HELZ: variants seen among roughly 807,000 people sequenced by gnomAD.
The protein encoded by HELZ is helicase with zinc finger, also known as ATP-dependent RNA helicase with zinc finger domain.
A neutral mutation model predicts 218.2 loss-of-function variants in HELZ; 23 were observed. The ratio of observed to expected loss-of-function variants is 0.11; its 90% CI spans 0.08 to 0.15. The LOEUF (loss-of-function observed/expected upper bound fraction) is 0.15. Among genes scored for constraint, HELZ ranks in the 10% least tolerant of loss-of-function variants. HELZ has a pLI of 1.00. For missense variants in HELZ, 1,813 were observed against 2,353.7 expected, an observed-to-expected ratio of 0.77 and a Z score of 4.75; for synonymous variants, 814 against 829.4, an observed-to-expected ratio of 0.98 and a Z score of 0.32.
At chr17:67,149,756 C>T in intron 19 of HELZ, 111 bp downstream of exon 19, 1 of 580,892 alleles carries the variant, frequency 1.7e-6, no homozygotes, top group East Asian at 3.1e-5. Flanking sequence ...ATTTGAAGTA[C>T]TAAAGTTATA....
upstream of HELZ, chr17:67,245,460 T>C (rs2041458609): frequency 2.0e-6 from 2 of 985,546 alleles, no homozygotes; most frequent in Admixed American, 6.1e-5. Context: ...CGCCCGGTCC[T>C]CTCGCCTCGC....
intron 31 of HELZ, among the ~76,000 whole-genome samples, chr17:67,095,093 C>T (rs1455967698): frequency 4.6e-5 from 7 of 152,232 alleles, no homozygotes; most frequent in Non-Finnish European, 1.0e-4. Flanking sequence ...AGTCAATCTT[C>T]TTAAGCCCTT....
rs185235638 is a variant in HELZ, at chr17:67,088,639, T to C, written c.5242-1558A>G. On this transcript the variant is annotated intron_variant, in intron 31 of 32. Transcript: ENST00000358691. ...GCCTCCATTTCCACAGTCTTAGCTA[T>C]TGAATGGAGGAAGGCAAGAGGTAGT... Among the ~76,000 whole-genome samples, 5 of 152,364 alleles carry C rather than the reference T, an allele frequency of 3.3e-5. No homozygotes were observed. The East Asian group carries it at 9.6e-4, about 29-fold the overall frequency.
At chr17:67,203,238 C>A in intron 6 of HELZ, 81 bp downstream of exon 6, 1 of 1,415,418 alleles carries the variant, frequency 7.1e-7, no homozygotes, top group Non-Finnish European at 9.6e-7. Flanking sequence ...AAAAGATACA[C>A]TTTTTTTTCC....
intron 21 of HELZ, among the ~76,000 whole-genome samples, chr17:67,140,765 C>A (rs890484258): frequency 3.4e-4 from 51 of 152,016 alleles, no homozygotes; most frequent in African/African-American, 1.2e-3. Context: ...ACAAGGAGAC[C>A]CACACCCAGA....
chr17:67,081,582 C>A (rs1187444939), intron 32 of HELZ, among the ~76,000 whole-genome samples: 4 of 152,086 alleles, frequency 2.6e-5, no homozygotes, highest in African/African-American at 7.2e-5. Context: ...ATCTTATTTC[C>A]CAAACTAGAT....
chr17:67,237,240 C>T (rs1239298932), intron 3 of HELZ, among the ~76,000 whole-genome samples: 1 of 151,292 alleles, frequency 6.6e-6, no homozygotes, highest in African/African-American at 2.4e-5. Context: ...AGCCGAGATC[C>T]CACCAGTGTA....
intron 7 of HELZ, among the ~76,000 whole-genome samples, chr17:67,198,811 C>T (rs920506776): frequency 1.3e-5 from 2 of 152,124 alleles, no homozygotes; most frequent in Non-Finnish European, 2.9e-5. Context: ...TGTTTGTTAG[C>T]TTTTCCTAAA....
At position 67,137,948 on chromosome 17, in the gene HELZ, C is replaced by T. The variant is rs888553601; in HGVS notation, c.2936G>A (p.Arg979Lys). Residue 979 changes from arginine (R) to lysine (K), a missense_variant, in exon 22 of 33, where the codon AGG (arginine) becomes AAG (lysine). By Grantham distance (26) the Arg-to-Lys change is conservative (BLOSUM62 2). This residue lies in a region of HELZ where 156 missense variants were observed against 274.4 expected (regional missense o/e 0.57). Transcript: ENST00000358691. ...ACACTTACCTTGAACATTTAGCACC[C>T]TTTCTACATTAACATCAGATAATCT... ...KKRLSDVNVE[R>K]VLNVQGKQFR... is the part of the protein sequence containing the mutation. 1 of 1,611,330 alleles carries T rather than the reference C, an allele frequency of 6.2e-7. No homozygotes were observed. Among genetic ancestry groups the T allele is most frequent in the African/African-American group, 1.3e-5 (1 of 74,866 alleles).
intron 32 of HELZ, among the ~76,000 whole-genome samples, chr17:67,081,661 G>T (rs970873786): frequency 5.9e-5 from 9 of 152,052 alleles, no homozygotes; most frequent in Non-Finnish European, 8.8e-5. Context: ...TCTGCTTCTT[G>T]ATGGCCCTGT....
chr17:67,080,839 G>A (rs1470878682), intron 32 of HELZ, among the ~76,000 whole-genome samples: 1 of 152,162 alleles, frequency 6.6e-6, no homozygotes, highest in Non-Finnish European at 1.5e-5. Flanking sequence ...ATTTAAACAG[G>A]TGGGGAAAGA....
At position 67,188,443 on chromosome 17, in the gene HELZ, C is replaced by A; in HGVS notation, c.1038G>T (p.Val346=). 6.2e-7 allele frequency: 1 copy of A among 1,613,940 alleles called. No individual in the cohort carries two copies. ...KMAQNGLDHY[V]YKVGIAFNTE... ...TGTTAAATGCTATCCCGACTTTATA[C>A]ACGTAATGATCTAATCCATTTTGGG... The change falls in exon 12 of 33, where the codon GTG becomes GTT. Residue 346 remains valine, a synonymous_variant. Transcript: ENST00000358691. This position sits in a 1 kb window ranked among gnomAD's most constrained non-coding sequence, Gnocchi z 4.1.
intron 20 of HELZ, 39 bp downstream of exon 20, chr17:67,148,530 C>T: frequency 6.3e-7 from 1 of 1,578,082 alleles, no homozygotes; most frequent in South Asian, 1.2e-5. Context: ...ACTATCAGAC[C>T]AACGAAAGTA....
rs1286363141 is a variant in HELZ at position 67,199,536 on chromosome 17, C to T, written c.429+1593G>A. 2.0e-5 allele frequency among the ~76,000 whole-genome samples: 3 copies of T among 152,164 alleles called. No individual in the cohort carries two copies. In the East Asian group the frequency reaches 5.8e-4, roughly 29 times the overall value. ...ACTGTTTTGCCATTACTTTCAAAGG[C>T]AAAAACCCCAATTACTTTTGTACCA... On this transcript the variant is annotated intron_variant, in intron 7 of 32. Coordinates refer to ENST00000358691, the MANE Select transcript of HELZ (RefSeq NM_014877.4).
intron 13 of HELZ, among the ~76,000 whole-genome samples, chr17:67,172,831 C>T (rs2039351380): frequency 6.6e-6 from 1 of 152,064 alleles, no homozygotes; most frequent in African/African-American, 2.4e-5. Flanking sequence ...GTCTCAAACT[C>T]CTGGGCTCAA....
chr17:67,151,516 C>T (rs2038682045), intron 17 of HELZ, among the ~76,000 whole-genome samples: 1 of 152,106 alleles, frequency 6.6e-6, no homozygotes, highest in African/African-American at 2.4e-5. Flanking sequence ...GGCACATAAA[C>T]GTAAGATTTA....
intron 21 of HELZ, among the ~76,000 whole-genome samples, chr17:67,141,836 G>A (rs114762710): frequency 0.011 from 1,608 of 152,218 alleles, 31 homozygotes; most frequent in African/African-American, 0.036. Flanking sequence ...CTTCAAGTAG[G>A]AGTTTGAGAC....
At chr17:67,185,376 C>T (rs939413149) in intron 12 of HELZ, among the ~76,000 whole-genome samples, 1 of 152,162 alleles carries the variant, frequency 6.6e-6, no homozygotes, top group African/African-American at 2.4e-5. Context: ...TTATATTCTG[C>T]TTTTATTTCT....
At chr17:67,117,230 G>A (rs2037455169) in intron 27 of HELZ, among the ~76,000 whole-genome samples, 1 of 152,042 alleles carries the variant, frequency 6.6e-6, no homozygotes, top group South Asian at 2.1e-4. Context: ...CCACATTCTG[G>A]GCTGTGAAAC....
Sources: allele counts gnomAD v4.1 joint callset (sites outside exome capture counted in the v4.1 genomes callset), GRCh38; gene constraint gnomAD v4.1.1; regional missense constraint gnomAD v4.1.1; non-coding constraint Gnocchi (gnomAD v3.1); transcripts MANE v1.5; gene names NCBI Gene and HGNC (gene_info 2026-07-23, HGNC 2026-07-21).